Variants in SRPX observed in about 807,000 individuals in gnomAD.
The protein encoded by SRPX is sushi repeat-containing protein SRPX.
A neutral mutation model predicts 38.1 loss-of-function variants in SRPX; 24 were observed. The ratio of observed to expected loss-of-function variants is 0.63; its 90% CI spans 0.46 to 0.89. The LOEUF (loss-of-function observed/expected upper bound fraction) is 0.89. SRPX is among the 40% of genes least tolerant of loss of function. The pLI is 0.00. For missense variants in SRPX, 416 were observed against 377.8 expected (o/e 1.10, Z -0.84); for synonymous variants, 184 against 153.8 (o/e 1.20, Z -1.45).
At position 38,149,823 on chromosome X, in the gene SRPX, C is replaced by T. The variant is rs765377624; in HGVS notation, c.1283G>A (p.Arg428His). Residue 428 changes from arginine to histidine, a missense_variant, in exon 10 of 10, where the codon CGC becomes CAC. Coordinates refer to ENST00000378533, the MANE Select transcript of SRPX (RefSeq NM_006307.5). ...CACAGGCATCACCAGGGAGACATAG[C>T]GCTCTTTGTCCATGCCATGCTTATC... Reference protein sequence around the residue: ...LVDKHGMDKERYVSLVMPVAL... With the variant: ...LVDKHGMDKEHYVSLVMPVAL... 4.1e-5 allele frequency: 49 copies of T among 1,208,962 alleles called. 1 individual carries two copies. In the East Asian group the frequency reaches 1.1e-3, roughly 28 times the overall value.
At chrX:38,218,469 C>T (rs980948368) in intron 1 of SRPX, among the ~76,000 whole-genome samples, 11 of 112,321 alleles carry the variant, frequency 9.8e-5, no homozygotes, top group African/African-American at 3.6e-4. Context: ...GCCAGAAAAG[C>T]TGCATTAAAT....
intron 8 of SRPX, among the ~76,000 whole-genome samples, chrX:38,155,635 A>T (rs1310978674): frequency 8.9e-6 from 1 of 112,521 alleles, no homozygotes; most frequent in African/African-American, 3.2e-5. Context: ...ATAAAAGTTA[A>T]TTTACCGAAA....
chrX:38,217,209 T>A (rs1241243298), intron 1 of SRPX, among the ~76,000 whole-genome samples: 3 of 112,721 alleles, frequency 2.7e-5, no homozygotes, highest in Non-Finnish European at 3.7e-5. Flanking sequence ...GGTCTTAAAA[T>A]CTACAAGAAG....
At chrX:38,194,672 A>G (rs1938961715) in intron 1 of SRPX, among the ~76,000 whole-genome samples, 1 of 110,953 alleles carries the variant, frequency 9.0e-6, no homozygotes, top group Admixed American at 9.7e-5. Flanking sequence ...ATATTTACAC[A>G]ATGGGATCTT....
rs187527627 is a variant in SRPX, at chrX:38,214,712, T to A, written c.97+5984A>T. ...TGTCTGTCAGAGTTCCTATAAGGAA[T>A]TGCCACTTTGTGGGCAGAATCTCAG... On this transcript the variant is annotated intron_variant, in intron 1 of 9. Transcript: ENST00000378533. 2.7e-3 allele frequency among the ~76,000 whole-genome samples: 297 copies of A among 111,865 alleles called. 1 individual carries two copies. The highest frequency in any genetic ancestry group is 4.0e-3 in the Non-Finnish European group (214 of 53,122).
intron 1 of SRPX, among the ~76,000 whole-genome samples, chrX:38,195,274 G>A (rs781148916): frequency 5.1e-4 from 57 of 110,960 alleles, no homozygotes; most frequent in African/African-American, 1.4e-3. Context: ...AGGAGATAGC[G>A]AAAGGAAAAG....
At chrX:38,155,849 G>A (rs1316709816) in intron 8 of SRPX, among the ~76,000 whole-genome samples, 2 of 111,948 alleles carry the variant, frequency 1.8e-5, no homozygotes, top group African/African-American at 6.5e-5. Flanking sequence ...GATACAAGGG[G>A]AGGTAAGCTG....
intron 1 of SRPX, among the ~76,000 whole-genome samples, chrX:38,205,708 C>G (rs772136544): frequency 1.7e-4 from 19 of 111,987 alleles, no homozygotes; most frequent in Admixed American, 4.7e-4. Flanking sequence ...GGAAAATGAG[C>G]CTTTGATATT....
At chrX:38,216,849 G>C (rs1435545862) in intron 1 of SRPX, among the ~76,000 whole-genome samples, 1 of 112,452 alleles carries the variant, frequency 8.9e-6, no homozygotes, top group Non-Finnish European at 1.9e-5. Context: ...GATCAAGGTG[G>C]CCAACAAAAA....
In SRPX at chrX:38,156,138, A is replaced by T. The variant is rs183476222; in HGVS notation, c.1089+758T>A. ...GCACTGTATCCATGGCACAGCATAC[A>T]TCCTGCCTCTTTAGTATTCAGTGAA... On this transcript the variant is annotated intron_variant, in intron 8 of 9. Transcript: ENST00000378533. Among the ~76,000 whole-genome samples the T allele has an allele frequency of 5.3e-5, 6 of 112,217 alleles. No individual in the cohort carries two copies. In the East Asian group the frequency reaches 1.7e-3, roughly 31 times the overall value.
At chrX:38,161,140 G>T in intron 5 of SRPX, 86 bp from the exon 6 acceptor site, 2 of 1,051,508 alleles carry the variant, frequency 1.9e-6, no homozygotes, top group Non-Finnish European at 1.3e-6. Flanking sequence ...ACAGGACATG[G>T]AGAGACTGAG....
intron 1 of SRPX, among the ~76,000 whole-genome samples, chrX:38,202,873 G>A (rs1477037646): frequency 8.9e-6 from 1 of 112,205 alleles, no homozygotes; most frequent in Non-Finnish European, 1.9e-5. Context: ...GAATTCTACA[G>A]AATGTCTTCC....
chrX:38,203,048 C>T (rs1388516429), intron 1 of SRPX, among the ~76,000 whole-genome samples: 1 of 111,661 alleles, frequency 9.0e-6, no homozygotes, highest in Non-Finnish European at 1.9e-5. Context: ...AAATAAAACA[C>T]AACACTACAT....
chrX:38,174,489 G>T, intron 2 of SRPX, 138 bp from the exon 3 acceptor site: 1 of 393,477 alleles, frequency 2.5e-6, no homozygotes, highest in Non-Finnish European at 4.0e-6. Context: ...TTTCTTAGGT[G>T]TCTCCGGGTA....
chrX:38,174,068 C>T, intron 3 of SRPX, 92 bp downstream of exon 3: 2 of 762,555 alleles, frequency 2.6e-6, no homozygotes, highest in Non-Finnish European at 3.5e-6. Context: ...GAATTTTTCT[C>T]ATCAATATTC....
chrX:38,193,571 C>A (rs9942992), intron 1 of SRPX, among the ~76,000 whole-genome samples: 1,318 of 112,130 alleles, frequency 0.012, 30 homozygotes, highest in African/African-American at 0.041. Flanking sequence ...TTTCTCTCCT[C>A]CCTTGATGAA....
chrX:38,206,729 G>A (rs922496327), intron 1 of SRPX, among the ~76,000 whole-genome samples: 2 of 112,054 alleles, frequency 1.8e-5, no homozygotes, highest in Non-Finnish European at 3.8e-5. Flanking sequence ...TAAGGGTACT[G>A]CTCACTGGGC....
At chrX:38,213,448 C>G (rs1939371542) in intron 1 of SRPX, among the ~76,000 whole-genome samples, 2 of 111,715 alleles carry the variant, frequency 1.8e-5, no homozygotes, top group South Asian at 3.8e-4. Flanking sequence ...ATTTGGGACT[C>G]TGACAACCTC....
At chrX:38,164,000 AT>A (rs1438206304) in intron 5 of SRPX, among the ~76,000 whole-genome samples, 1 of 111,389 alleles carries the variant, frequency 9.0e-6, no homozygotes, top group African/African-American at 3.3e-5. Flanking sequence ...GGGTGGCTCT[AT>A]TCTTAAATTA....
Sources: allele counts gnomAD v4.1 joint callset (sites outside exome capture counted in the v4.1 genomes callset), GRCh38; gene constraint gnomAD v4.1.1; transcripts MANE v1.5; gene names NCBI Gene and HGNC (gene_info 2026-07-23, HGNC 2026-07-21).